The following ROBO1 variants were observed in gnomAD, a reference collection of about 807,000 sequenced individuals.
ROBO1 encodes roundabout homolog 1.
Under a neutral mutation model 195.9 loss-of-function variants are expected in ROBO1, and 149 were observed. The observed-to-expected ratio is 0.76, with a 90% CI of 0.67 to 0.87. The LOEUF is 0.87. ROBO1 is among the 40% of genes least tolerant of loss of function. The probability of loss-of-function intolerance (pLI) is 0.00; values close to 1 mark genes in which losing one functional copy is unlikely to be tolerated. For synonymous variants in ROBO1, 816 were observed against 733.2 expected, an observed-to-expected ratio of 1.11 and a Z score of -1.82; for missense variants, 1,933 against 2,068.3, an observed-to-expected ratio of 0.93 and a Z score of 1.27.
intron 25 of ROBO1, among the ~76,000 whole-genome samples, chr3:78,629,626 T>G (rs1575804584): frequency 6.6e-6 from 1 of 151,750 alleles, no homozygotes; most frequent in Non-Finnish European, 1.5e-5. Context: ...AGCTCTGGGG[T>G]GAGTCCCTGT....
chr3:78,884,609 G>C (rs1383947812), intron 4 of ROBO1, among the ~76,000 whole-genome samples: 1 of 136,334 alleles, frequency 7.3e-6, no homozygotes, highest in East Asian at 2.1e-4. Context: ...AAGAGAGAAA[G>C]AGAGAAAGAA....
At chr3:78,969,678 G>A (rs1265342647) in intron 3 of ROBO1, among the ~76,000 whole-genome samples, 1 of 152,078 alleles carries the variant, frequency 6.6e-6, no homozygotes, top group Non-Finnish European at 1.5e-5. Flanking sequence ...TGACGTGTCT[G>A]GCAGAGCCAC....
At chr3:79,055,463 C>A (rs1171908137) in intron 3 of ROBO1, among the ~76,000 whole-genome samples, 3 of 152,040 alleles carry the variant, frequency 2.0e-5, no homozygotes, top group African/African-American at 7.2e-5. Flanking sequence ...AAACATCCTG[C>A]TAACATGGGA....
chr3:79,400,199 C>T (rs1421537393), intron 2 of ROBO1, among the ~76,000 whole-genome samples: 1 of 152,036 alleles, frequency 6.6e-6, no homozygotes, highest in East Asian at 1.9e-4. Context: ...ATTTCCTAGA[C>T]ATAAAAACTA....
intron 2 of ROBO1, among the ~76,000 whole-genome samples, chr3:79,144,868 T>A (rs1234682321): frequency 6.6e-6 from 1 of 151,968 alleles, no homozygotes; most frequent in Non-Finnish European, 1.5e-5. Flanking sequence ...TGTATCTTGT[T>A]AGAGAAAAAA....
chr3:78,848,769 A>C lies in ROBO1; in HGVS notation c.499+89832T>G, dbSNP rs182909910. ...TGAGACTTTATCTTAAAGTCTGTCT[A>C]ATCTCCAAGTTTAAAGTAGCACATG... On this transcript the variant is annotated intron_variant, in intron 4 of 30. Transcript: ENST00000464233. Among the ~76,000 whole-genome samples the C allele has an allele frequency of 1.2e-4, 19 of 152,318 alleles. No individual in the cohort carries two copies. The East Asian group carries it at 3.5e-3, about 28-fold the overall frequency.
intron 25 of ROBO1, among the ~76,000 whole-genome samples, chr3:78,629,862 G>C (rs1705072209): frequency 6.6e-6 from 1 of 152,118 alleles, no homozygotes; most frequent in Admixed American, 6.6e-5. Flanking sequence ...TCCCAGCTGA[G>C]GTAAAACAAG....
intron 2 of ROBO1, among the ~76,000 whole-genome samples, chr3:79,563,007 T>A (rs1942974671): frequency 6.6e-6 from 1 of 152,044 alleles, no homozygotes; most frequent in Admixed American, 6.6e-5. Context: ...ATTCCCAGTA[T>A]CCAATTTATT....
chr3:79,236,948 A>T (rs1210264022), intron 2 of ROBO1, among the ~76,000 whole-genome samples: 4 of 152,178 alleles, frequency 2.6e-5, no homozygotes, highest in Non-Finnish European at 4.4e-5. Context: ...GACCTTGACT[A>T]AAAGAAGCCA....
intron 4 of ROBO1, among the ~76,000 whole-genome samples, chr3:78,772,534 C>T (rs927889742): frequency 6.6e-6 from 1 of 151,992 alleles, no homozygotes; most frequent in African/African-American, 2.4e-5. Context: ...TCAGTTTTCT[C>T]CTTTGAAATA....
At chr3:78,740,348 T>G (rs1035960995) in intron 5 of ROBO1, among the ~76,000 whole-genome samples, 2 of 151,892 alleles carry the variant, frequency 1.3e-5, no homozygotes, top group African/African-American at 2.4e-5. Flanking sequence ...CTCTAAAAAT[T>G]GACATTTATT....
intron 1 of ROBO1, among the ~76,000 whole-genome samples, chr3:79,647,330 T>C (rs1307373204): frequency 6.6e-6 from 1 of 152,092 alleles, no homozygotes; most frequent in African/African-American, 2.4e-5. Flanking sequence ...TATTAGATAG[T>C]GTATAAGTAG....
chr3:78,655,363 G>T (rs1316380605), intron 18 of ROBO1, among the ~76,000 whole-genome samples: 1 of 152,092 alleles, frequency 6.6e-6, no homozygotes, highest in African/African-American at 2.4e-5. Flanking sequence ...GTCACACTGG[G>T]AGTAGTGATG....
chr3:79,024,282 A>G (rs2078161045), intron 3 of ROBO1, among the ~76,000 whole-genome samples: 1 of 152,128 alleles, frequency 6.6e-6, no homozygotes, highest in Non-Finnish European at 1.5e-5. Context: ...ATTAGCAACA[A>G]TGGGTCGGGC....
At chr3:79,573,010 G>C (rs1943331711) in intron 2 of ROBO1, among the ~76,000 whole-genome samples, 1 of 152,240 alleles carries the variant, frequency 6.6e-6, no homozygotes, top group East Asian at 1.9e-4. Flanking sequence ...ATGCAAAGTG[G>C]CTTCAAATCC....
chr3:78,827,098 T>C (rs571599880), intron 4 of ROBO1, among the ~76,000 whole-genome samples: 3 of 152,252 alleles, frequency 2.0e-5, no homozygotes, highest in Middle Eastern at 3.4e-3. Flanking sequence ...AAAATAGACA[T>C]GTAGAAAGTT....
chr3:78,997,586 C>A (rs747627190), intron 3 of ROBO1, among the ~76,000 whole-genome samples: 9 of 151,920 alleles, frequency 5.9e-5, no homozygotes, highest in Non-Finnish European at 8.8e-5. Context: ...TCCACTATAC[C>A]CTCAAATTAT....
Position 78,657,165 on chromosome 3 carries a change from A to G in ROBO1, c.2547T>C (p.Ser849=), listed in dbSNP as rs556122920. The G allele has an allele frequency of 1.2e-6, 2 of 1,613,076 alleles. No homozygotes were observed. Among genetic ancestry groups the G allele is most frequent in the Admixed American group, 1.7e-5 (1 of 59,906 alleles). Residue 849 remains serine, a synonymous_variant, in exon 18 of 31, where the codon AGT becomes AGC. Transcript: ENST00000464233. ...CCCCAGTGCTGGCTGCCACTTCCAC[A>G]CTGTATCGGATTCCAGGAACAAGAA... ...IPFLVPGIRY[S]VEVAASTGAG...
intron 2 of ROBO1, among the ~76,000 whole-genome samples, chr3:79,364,095 T>C (rs569817856): frequency 1.3e-3 from 204 of 151,902 alleles, no homozygotes; most frequent in African/African-American, 4.6e-3. Context: ...TCCCAGCTGC[T>C]CAGGAGGCTG....
Sources: allele counts gnomAD v4.1 joint callset (sites outside exome capture counted in the v4.1 genomes callset), GRCh38; gene constraint gnomAD v4.1.1; transcripts MANE v1.5; gene names NCBI Gene and HGNC (gene_info 2026-07-23, HGNC 2026-07-21).